The following ADAMTS12 variants were observed in gnomAD, a reference collection of about 807,000 sequenced individuals.
ADAMTS12 encodes ADAM metallopeptidase with thrombospondin type 1 motif 12, also known as A disintegrin and metalloproteinase with thrombospondin motifs 12.
ADAMTS12 carries 118 observed loss-of-function variants against 167.8 expected under a neutral mutation model. That is an observed-to-expected ratio of 0.70 (90% CI 0.61 to 0.82). The LOEUF is 0.82. ADAMTS12 is among the 40% of genes least tolerant of loss of function. The pLI is 0.00. For missense variants in ADAMTS12, 1,916 were observed against 1,998.8 expected (o/e 0.96, Z 0.79); for synonymous variants, 704 against 716.9 (o/e 0.98, Z 0.29).
intron 2 of ADAMTS12, among the ~76,000 whole-genome samples, chr5:33,761,570 T>C (rs1745358880): frequency 6.6e-6 from 1 of 152,172 alleles, no homozygotes; most frequent in Non-Finnish European, 1.5e-5. Flanking sequence ...AGGACATTAA[T>C]GAATATTTAT....
intron 2 of ADAMTS12, among the ~76,000 whole-genome samples, chr5:33,791,786 C>G (rs1330468978): frequency 6.9e-6 from 1 of 144,854 alleles, no homozygotes; most frequent in Non-Finnish European, 1.5e-5. Flanking sequence ...TTTTTTTTGG[C>G]CTTAGGATAG....
chr5:33,662,333 A>G (rs1276727086), intron 5 of ADAMTS12, among the ~76,000 whole-genome samples: 1 of 152,226 alleles, frequency 6.6e-6, no homozygotes, highest in Non-Finnish European at 1.5e-5. Context: ...ATTAGCAATA[A>G]CCAAAAGCTA....
intron 16 of ADAMTS12, among the ~76,000 whole-genome samples, chr5:33,613,214 T>C (rs866959187): frequency 4.6e-5 from 7 of 152,170 alleles, no homozygotes; most frequent in Admixed American, 1.3e-4. Flanking sequence ...GGCAAGAAGT[T>C]TCAGAACAGA....
intron 23 of ADAMTS12, among the ~76,000 whole-genome samples, chr5:33,529,126 C>T (rs1026153415): frequency 6.6e-6 from 1 of 152,232 alleles, no homozygotes; most frequent in Non-Finnish European, 1.5e-5. Flanking sequence ...CCCCGCCCTG[C>T]AGAACTTTAC....
chr5:33,614,993 A>G (rs1738919911), intron 15 of ADAMTS12, among the ~76,000 whole-genome samples: 1 of 152,176 alleles, frequency 6.6e-6, no homozygotes, highest in Non-Finnish European at 1.5e-5. Context: ...TGAGCTAACA[A>G]TGGTCATGGA....
At chr5:33,864,396 T>C (rs1420973725) in intron 2 of ADAMTS12, among the ~76,000 whole-genome samples, 1 of 152,174 alleles carries the variant, frequency 6.6e-6, no homozygotes, top group Non-Finnish European at 1.5e-5. Context: ...GGTGAGAGTG[T>C]AAATTAGTTC....
rs763005768 is a variant in ADAMTS12, at chr5:33,658,310, T to C, written c.1064A>G (p.Asn355Ser). Residue 355 changes from asparagine to serine, a missense_variant, in exon 7 of 24, where the codon AAT becomes AGT. Transcript: ENST00000504830. ...CAGGCCCAGGGTCTCGCAGGGGCGA[T>C]TGAAACCAGCACAGATGTCCTTTCT... is the stretch of plus-strand genomic sequence containing the variant. ...LTRKDICAGF[N>S]RPCETLGLSH... 32 of 1,613,484 alleles carry C rather than the reference T, an allele frequency of 2.0e-5. No individual in the cohort carries two copies. The highest frequency in any genetic ancestry group is 1.2e-4 in the South Asian group (11 of 91,062).
At position 33,595,931 on chromosome 5, in the gene ADAMTS12, T is replaced by C; in HGVS notation, c.2654+3A>G. 1 of 1,614,088 alleles carries C rather than the reference T, an allele frequency of 6.2e-7. No individual in the cohort carries two copies. The highest frequency in any genetic ancestry group is 8.5e-7 in the Non-Finnish European group (1 of 1,179,930). On this transcript the variant is annotated splice_donor_region_variant and intron_variant, in intron 17 of 23. Coordinates refer to ENST00000504830, the MANE Select transcript of ADAMTS12 (RefSeq NM_030955.4). ...CAGAGCTCCAGCTGTTAGCGATGGT[T>C]ACCTGGGTGGACAAGCCTTTTCATG... is the stretch of plus-strand genomic sequence containing the variant.
intron 19 of ADAMTS12, among the ~76,000 whole-genome samples, chr5:33,572,721 G>T (rs1306922856): frequency 2.3e-4 from 34 of 148,052 alleles, no homozygotes; most frequent in African/African-American, 5.5e-4. Flanking sequence ...CCACTCCTAT[G>T]CAACATAGTG....
rs201935843 is a variant in ADAMTS12, at chr5:33,577,189, G to T, written c.2866-29C>A. The T allele has an allele frequency of 4.3e-6, 7 of 1,613,534 alleles. No homozygotes were observed. In the Admixed American group the frequency reaches 8.3e-5, roughly 19 times the overall value. On this transcript the variant is annotated intron_variant, in intron 18 of 23. Transcript: ENST00000504830. ...GAAGAGAGAAACAGCTGTTAGCCTG[G>T]CGAGAGAAGATGCTTTTATTCTCAT...
At position 33,687,145 on chromosome 5, in the gene ADAMTS12, T is replaced by C. The variant is rs556583784; in HGVS notation, c.635-3090A>G. 2.0e-5 allele frequency among the ~76,000 whole-genome samples: 3 copies of C among 151,530 alleles called. No homozygotes were observed. The South Asian group carries it at 6.2e-4, about 32-fold the overall frequency. On this transcript the variant is annotated intron_variant, in intron 3 of 23. Transcript: ENST00000504830. ...AAGTTACTTTCATTTTTCCAGCAAA[T>C]AGGTAGTTACTCAGTAGTAAACAGT...
intron 7 of ADAMTS12, 24 bp downstream of exon 7, chr5:33,658,160 A>G: frequency 6.2e-7 from 1 of 1,611,466 alleles, no homozygotes; most frequent in African/African-American, 1.3e-5. Context: ...TGGTGAGCAA[A>G]CCTCCCTATC....
chr5:33,839,859 G>A (rs2111591117), intron 2 of ADAMTS12, among the ~76,000 whole-genome samples: 1 of 152,282 alleles, frequency 6.6e-6, no homozygotes, highest in Admixed American at 6.5e-5. Flanking sequence ...AGTTTGCTTG[G>A]TAACTTCATG....
chr5:33,718,888 C>T (rs1437781188), intron 3 of ADAMTS12, among the ~76,000 whole-genome samples: 4 of 152,118 alleles, frequency 2.6e-5, no homozygotes, highest in African/African-American at 7.2e-5. Context: ...GCTTGAACAC[C>T]GGAGATCAAG....
chr5:33,600,734 C>T (rs997261026), intron 16 of ADAMTS12, among the ~76,000 whole-genome samples: 1 of 152,150 alleles, frequency 6.6e-6, no homozygotes, highest in African/African-American at 2.4e-5. Flanking sequence ...TTAAATTGCA[C>T]ATTAGCACGT....
chr5:33,837,057 T>C (rs1036142428), intron 2 of ADAMTS12, among the ~76,000 whole-genome samples: 7 of 151,972 alleles, frequency 4.6e-5, no homozygotes, highest in Non-Finnish European at 1.0e-4. Context: ...CCCTGGCTTT[T>C]AACCAGAGAA....
At chr5:33,550,223 G>A (rs577272191) in intron 20 of ADAMTS12, among the ~76,000 whole-genome samples, 1 of 152,328 alleles carries the variant, frequency 6.6e-6, no homozygotes, top group African/African-American at 2.4e-5. Flanking sequence ...GCCTGTTCCA[G>A]AGTGCTGCTT....
intron 2 of ADAMTS12, among the ~76,000 whole-genome samples, chr5:33,787,845 G>A (rs754363869): frequency 2.0e-4 from 31 of 152,106 alleles, no homozygotes; most frequent in Admixed American, 1.5e-3. Context: ...AGTAAAGCAC[G>A]ATAGGAAATG....
chr5:33,764,691 C>G (rs1325039576), intron 2 of ADAMTS12, among the ~76,000 whole-genome samples: 1 of 152,156 alleles, frequency 6.6e-6, no homozygotes, highest in Non-Finnish European at 1.5e-5. Context: ...ACCAAAAGAT[C>G]TACTTTCTCC....
Sources: gnomAD v4.1 joint callset for allele counts (sites outside exome capture counted in the v4.1 genomes callset) on GRCh38, gnomAD v4.1.1 for gene constraint, MANE v1.5 for transcripts, NCBI Gene and HGNC (gene_info 2026-07-23, HGNC 2026-07-21) for gene names.